RAPGEF6: variants seen among roughly 807,000 people sequenced by gnomAD.
RAPGEF6 encodes the protein PDZ domain containing guanine nucleotide exchange factor (GEF) 2.
Under a neutral mutation model 171.4 loss-of-function variants are expected in RAPGEF6, and 56 were observed. That is an observed-to-expected ratio of 0.33 (90% CI 0.26 to 0.41). RAPGEF6 has a LOEUF of 0.41. RAPGEF6 is among the 10% of genes least tolerant of loss of function. The probability of loss-of-function intolerance (pLI) is 1.00; values close to 1 mark genes in which losing one functional copy is unlikely to be tolerated. For synonymous variants in RAPGEF6, 692 were observed against 650.1 expected, an observed-to-expected ratio of 1.06 and a Z score of -0.98; for missense variants, 1,674 against 1,921.4, an observed-to-expected ratio of 0.87 and a Z score of 2.41.
At chr5:131,548,734 A>G (rs1372235631) in intron 5 of RAPGEF6, among the ~76,000 whole-genome samples, 5 of 152,228 alleles carry the variant, frequency 3.3e-5, no homozygotes, top group African/African-American at 1.2e-4. Flanking sequence ...CAGCATGCAT[A>G]TATATTAAGT....
chr5:131,574,640 A>C (rs1762500366), intron 4 of RAPGEF6, among the ~76,000 whole-genome samples: 1 of 152,030 alleles, frequency 6.6e-6, no homozygotes, highest in Admixed American at 6.5e-5. Flanking sequence ...AGACATTTTA[A>C]CTAAATTATC....
At chr5:131,574,166 T>G (rs1762464243) in intron 4 of RAPGEF6, among the ~76,000 whole-genome samples, 1 of 152,162 alleles carries the variant, frequency 6.6e-6, no homozygotes, top group African/African-American at 2.4e-5. Context: ...CCACTGGGCC[T>G]CAGAATGCCT....
chr5:131,599,740 G>A (rs1354150225), intron 3 of RAPGEF6, among the ~76,000 whole-genome samples: 2 of 152,186 alleles, frequency 1.3e-5, no homozygotes, highest in Non-Finnish European at 2.9e-5. Flanking sequence ...TTTCAGAAGA[G>A]GCTGGTGGTG....
intron 6 of RAPGEF6, among the ~76,000 whole-genome samples, chr5:131,533,214 C>A (rs1025909577): frequency 3.3e-5 from 4 of 120,296 alleles, no homozygotes; most frequent in Non-Finnish European, 5.6e-5. Context: ...ACACACACAC[C>A]CCATCCTCCT....
intron 11 of RAPGEF6, among the ~76,000 whole-genome samples, chr5:131,501,869 A>G (rs1397648961): frequency 6.6e-6 from 1 of 152,154 alleles, no homozygotes; most frequent in Non-Finnish European, 1.5e-5. Context: ...ATATAAAGTT[A>G]TAGATGTGTA....
intron 6 of RAPGEF6, among the ~76,000 whole-genome samples, chr5:131,527,036 C>A (rs982634102): frequency 7.2e-5 from 11 of 152,048 alleles, no homozygotes; most frequent in African/African-American, 2.7e-4. Context: ...TTCCTATAGA[C>A]AATATAGAGC....
At chr5:131,630,295 T>C (rs529291661) in intron 1 of RAPGEF6, among the ~76,000 whole-genome samples, 15 of 152,242 alleles carry the variant, frequency 9.9e-5, no homozygotes, top group Non-Finnish European at 2.1e-4. Context: ...AAAGTATTTT[T>C]AAATTAAGGC....
At chr5:131,499,505 C>T (rs1226821446) in intron 11 of RAPGEF6, among the ~76,000 whole-genome samples, 1 of 133,604 alleles carries the variant, frequency 7.5e-6, no homozygotes, top group East Asian at 2.4e-4. Flanking sequence ...TGCTTGAACC[C>T]GGGAGGTGGA....
At chr5:131,593,981 A>C (rs563538160) in intron 3 of RAPGEF6, among the ~76,000 whole-genome samples, 1 of 152,320 alleles carries the variant, frequency 6.6e-6, no homozygotes, top group East Asian at 1.9e-4. Flanking sequence ...AGCCCGCTGC[A>C]GAAATGTGCA....
chr5:131,491,469 C>CTGA (rs1756277594), intron 14 of RAPGEF6, among the ~76,000 whole-genome samples: 1 of 152,128 alleles, frequency 6.6e-6, no homozygotes, highest in Non-Finnish European at 1.5e-5. Flanking sequence ...CTAAATGATT[C>CTGA]TGATGATCAG....
chr5:131,624,210 A>C (rs951622548), intron 1 of RAPGEF6, among the ~76,000 whole-genome samples: 4 of 152,236 alleles, frequency 2.6e-5, no homozygotes, highest in Non-Finnish European at 5.9e-5. Context: ...AAAGATATTC[A>C]ATCCTAGAGA....
chr5:131,627,099 T>C (rs953648163), intron 1 of RAPGEF6, among the ~76,000 whole-genome samples: 7 of 152,168 alleles, frequency 4.6e-5, no homozygotes, highest in Admixed American at 3.9e-4. Flanking sequence ...CAAAGTTTAG[T>C]GGCAAGTTGC....
intron 6 of RAPGEF6, among the ~76,000 whole-genome samples, chr5:131,524,959 G>C (rs1758782686): frequency 6.6e-6 from 1 of 151,998 alleles, no homozygotes; most frequent in Non-Finnish European, 1.5e-5. Context: ...TTCACAATGT[G>C]AACATGTATC....
intron 1 of RAPGEF6, among the ~76,000 whole-genome samples, chr5:131,607,957 A>C (rs1764708853): frequency 6.6e-6 from 1 of 152,214 alleles, no homozygotes; most frequent in Non-Finnish European, 1.5e-5. Context: ...ACATCCGGAA[A>C]TATCTAAAGT....
At chr5:131,545,778 C>A (rs192466372) in intron 6 of RAPGEF6, among the ~76,000 whole-genome samples, 120 of 152,286 alleles carry the variant, frequency 7.9e-4, no homozygotes, top group Middle Eastern at 3.4e-3. Flanking sequence ...CCTAACATGA[C>A]CAAAAAGCTT....
intron 5 of RAPGEF6, among the ~76,000 whole-genome samples, chr5:131,550,932 C>T (rs1760883771): frequency 6.6e-6 from 1 of 152,190 alleles, no homozygotes; most frequent in Non-Finnish European, 1.5e-5. Flanking sequence ...ACTAAGTATA[C>T]CAACCTCACT....
chr5:131,475,798 T>C (rs1476432675), intron 16 of RAPGEF6, among the ~76,000 whole-genome samples: 2 of 152,210 alleles, frequency 1.3e-5, no homozygotes, highest in Non-Finnish European at 2.9e-5. Context: ...TTTGGAATTA[T>C]CTATTCTTAT....
At chr5:131,567,504 T>C (rs1762026467) in intron 4 of RAPGEF6, among the ~76,000 whole-genome samples, 1 of 152,206 alleles carries the variant, frequency 6.6e-6, no homozygotes, top group South Asian at 2.1e-4. Flanking sequence ...TCTCTTGAAG[T>C]CTTCCTTGGT....
At chr5:131,598,208 G>T (rs1291847831) in intron 3 of RAPGEF6, among the ~76,000 whole-genome samples, 1 of 152,100 alleles carries the variant, frequency 6.6e-6, no homozygotes, top group Non-Finnish European at 1.5e-5. Context: ...ACATGAGTGG[G>T]TATTTTAGAC....
Sources: allele counts gnomAD v4.1 joint callset (sites outside exome capture counted in the v4.1 genomes callset), GRCh38; gene constraint gnomAD v4.1.1; transcripts MANE v1.5; gene names NCBI Gene and HGNC (gene_info 2026-07-23, HGNC 2026-07-21).